Variants in JAKMIP1 observed in about 807,000 individuals in gnomAD.
JAKMIP1 encodes the protein janus kinase and microtubule-interacting protein 1.
A neutral mutation model predicts 113.0 loss-of-function variants in JAKMIP1; 33 were observed. The ratio of observed to expected loss-of-function variants is 0.29; its 90% CI spans 0.22 to 0.39. The LOEUF (loss-of-function observed/expected upper bound fraction) is 0.39. Ranked by LOEUF, JAKMIP1 falls within the 10% of genes least tolerant of loss-of-function variation. The pLI, the probability that JAKMIP1 is intolerant of heterozygous loss-of-function variation, is 1.00. For missense variants in JAKMIP1, 813 were observed against 1,080.5 expected, an observed-to-expected ratio of 0.75 and a Z score of 3.47; for synonymous variants, 480 against 459.9, an observed-to-expected ratio of 1.04 and a Z score of -0.56.
At chr4:6,090,871 GTCAAAACCCC>G (rs1380986364) in intron 3 of JAKMIP1, among the ~76,000 whole-genome samples, 2 of 151,304 alleles carry the variant, frequency 1.3e-5, no homozygotes, top group Non-Finnish European at 2.9e-5. Context: ...CCCTTAGAGT[GTCAAAACCCC>G]ACGTTGACCA....
chr4:6,199,517 G>C lies in JAKMIP1; in HGVS notation c.-148+736C>G, dbSNP rs980497261. ...CCCGGCAAGGTGTCTGGCACCACGAGAGTCAATCCTTGCGCGCCATCTCCG... is the reference window on the plus strand; with the variant it reads ...CCCGGCAAGGTGTCTGGCACCACGACAGTCAATCCTTGCGCGCCATCTCCG... On this transcript the variant is annotated intron_variant, in intron 1 of 20. Coordinates refer to ENST00000409021, the MANE Select transcript of JAKMIP1 (RefSeq NM_001099433.2). This position sits in a 1 kb window ranked among gnomAD's most constrained non-coding sequence, Gnocchi z 5.6. Among the ~76,000 whole-genome samples, 1 of 152,278 alleles carries C rather than the reference G, an allele frequency of 6.6e-6. No individual in the cohort carries two copies. Among genetic ancestry groups the C allele is most frequent in the East Asian group, 1.9e-4 (1 of 5,148 alleles).
Position 6,105,799 on chromosome 4 carries a change from C to T in JAKMIP1, c.298G>A (p.Ala100Thr). The T allele has an allele frequency of 1.2e-6, 2 of 1,608,824 alleles. No homozygotes were observed. Among genetic ancestry groups the T allele is most frequent in the South Asian group, 1.1e-5 (1 of 91,012 alleles). Residue 100 changes from alanine (A) to threonine (T), a missense_variant, in exon 3 of 21, where the codon GCG becomes ACG. Physicochemically the swap from Ala to Thr is moderately conservative, Grantham distance 58. Coordinates refer to ENST00000409021, the MANE Select transcript of JAKMIP1 (RefSeq NM_001099433.2). ...CCCTCCTTGATCTTGGCGGTGCGCG[C>T]CGCCTCCTGCTCGTGCTGCCGGATG... ...GLIRQHEQEA[A>T]RTAKIKEGEL...
At position 6,193,768 on chromosome 4, in the gene JAKMIP1, T is replaced by C. The variant is rs1727536861; in HGVS notation, c.-148+6485A>G. ...GATCATGGGAGGCTGAACTGATGCA[T>C]TAGTGAGCAGGGGAGGAGAGGGTGG... On this transcript the variant is annotated intron_variant, in intron 1 of 20. Coordinates refer to ENST00000409021, the MANE Select transcript of JAKMIP1 (RefSeq NM_001099433.2). This position sits in a 1 kb window ranked among gnomAD's most constrained non-coding sequence, Gnocchi z 6.4. Among the ~76,000 whole-genome samples the C allele has an allele frequency of 6.6e-6, 1 of 152,150 alleles. No homozygotes were observed. Among genetic ancestry groups the C allele is most frequent in the South Asian group, 2.1e-4 (1 of 4,800 alleles).
At position 6,192,778 on chromosome 4, in the gene JAKMIP1, C is replaced by G. The variant is rs1028529644; in HGVS notation, c.-148+7475G>C. Among the ~76,000 whole-genome samples the G allele has an allele frequency of 1.3e-5, 2 of 152,106 alleles. No homozygotes were observed. Among genetic ancestry groups the G allele is most frequent in the Non-Finnish European group, 2.9e-5 (2 of 68,032 alleles). On this transcript the variant is annotated intron_variant, in intron 1 of 20. Transcript: ENST00000409021. This position sits in a 1 kb window ranked among gnomAD's most constrained non-coding sequence, Gnocchi z 5.0. ...AGGGGAAATGAGAATAAAATCATTTCAGATCATGATGATTCTCAAAAGCAA... is the reference window on the plus strand; with the variant it reads ...AGGGGAAATGAGAATAAAATCATTTGAGATCATGATGATTCTCAAAAGCAA...
rs1205826412 is a variant in JAKMIP1, at chr4:6,186,224, C to A, written c.-148+14029G>T. ...GCCAGGGGCAGGTCAGGCGGATGGG[C>A]AGGATGCAGACTGAGGAGGCACAGC... On this transcript the variant is annotated intron_variant, in intron 1 of 20. Transcript: ENST00000409021. The surrounding 1 kb of genome is among the most constrained non-coding windows in gnomAD (Gnocchi z 5.5). Among the ~76,000 whole-genome samples the A allele has an allele frequency of 2.0e-5, 3 of 152,128 alleles. No individual in the cohort carries two copies. The highest frequency in any genetic ancestry group is 7.2e-5 in the African/African-American group (3 of 41,424).
rs1714221553 is a variant in JAKMIP1, at chr4:6,040,893, A to C, written c.2098-177T>G. Among the ~76,000 whole-genome samples the C allele has an allele frequency of 6.6e-6, 1 of 152,072 alleles. No homozygotes were observed. The highest frequency in any genetic ancestry group is 2.4e-5 in the African/African-American group (1 of 41,386). On this transcript the variant is annotated intron_variant, in intron 17 of 20. Transcript: ENST00000409021. The surrounding 1 kb of genome is among the most constrained non-coding windows in gnomAD (Gnocchi z 5.8). ...GAATCACCCAGCAGGAGCCTCACTGACCTGGGGCACCCTTGACAGCCACAC... is the reference window on the plus strand; with the variant it reads ...GAATCACCCAGCAGGAGCCTCACTGCCCTGGGGCACCCTTGACAGCCACAC...
chr4:6,197,470 C>G lies in JAKMIP1; in HGVS notation c.-148+2783G>C, dbSNP rs1398538205. ...CCACACCTCTGATCCCCACACCAACCTAGCCAAAGAGATGCCACTGCCCCC... is the reference window on the plus strand; with the variant it reads ...CCACACCTCTGATCCCCACACCAACGTAGCCAAAGAGATGCCACTGCCCCC... On this transcript the variant is annotated intron_variant, in intron 1 of 20. Coordinates refer to ENST00000409021, the MANE Select transcript of JAKMIP1 (RefSeq NM_001099433.2). The surrounding 1 kb of genome is among the most constrained non-coding windows in gnomAD (Gnocchi z 6.5). 2.6e-5 allele frequency among the ~76,000 whole-genome samples: 4 copies of G among 152,216 alleles called. No individual in the cohort carries two copies. Among genetic ancestry groups the G allele is most frequent in the Non-Finnish European group, 1.5e-5 (1 of 68,036 alleles).
chr4:6,095,417 G>A (rs1296981755), intron 3 of JAKMIP1, among the ~76,000 whole-genome samples: 1 of 152,148 alleles, frequency 6.6e-6, no homozygotes, highest in African/African-American at 2.4e-5. Flanking sequence ...AACAGAGAAG[G>A]AAACAGAAAG....
rs1381055296 is a variant in JAKMIP1, at chr4:6,093,210, T to C, written c.625-7581A>G. ...TCTACCCACAGAAGTGATCACATCC[T>C]CTTCTTTGTTGCTGCCTCTTTGGCT... On this transcript the variant is annotated intron_variant, in intron 3 of 20. Transcript: ENST00000409021. The surrounding 1 kb of genome is among the most constrained non-coding windows in gnomAD (Gnocchi z 4.6). Among the ~76,000 whole-genome samples the C allele has an allele frequency of 6.6e-6, 1 of 152,162 alleles. No homozygotes were observed. Among genetic ancestry groups the C allele is most frequent in the Non-Finnish European group, 1.5e-5 (1 of 68,028 alleles).
intron 3 of JAKMIP1, among the ~76,000 whole-genome samples, chr4:6,095,096 A>G (rs1578214821): frequency 6.9e-6 from 1 of 143,942 alleles, no homozygotes; most frequent in Admixed American, 7.0e-5. Context: ...GGGAGGGAGG[A>G]AGGGGAGAGA....
chr4:6,193,700 G>A lies in JAKMIP1; in HGVS notation c.-148+6553C>T, dbSNP rs895287813. On this transcript the variant is annotated intron_variant, in intron 1 of 20. Transcript: ENST00000409021. This position sits in a 1 kb window ranked among gnomAD's most constrained non-coding sequence, Gnocchi z 6.4. ...TGAGGAGCCGACAACCATTCTGCAG[G>A]TTTCAAGGACAAGTCAAGGCTGGGA... 1.3e-5 allele frequency among the ~76,000 whole-genome samples: 2 copies of A among 152,192 alleles called. No homozygotes were observed. Among genetic ancestry groups the A allele is most frequent in the Non-Finnish European group, 1.5e-5 (1 of 68,040 alleles).
In JAKMIP1 at chr4:6,141,956, C is replaced by T. The variant is rs1261358556; in HGVS notation, c.-147-28959G>A. On this transcript the variant is annotated intron_variant, in intron 1 of 20. Transcript: ENST00000409021. This position sits in a 1 kb window ranked among gnomAD's most constrained non-coding sequence, Gnocchi z 9.4. The stretch of plus-strand genomic sequence containing the variant: ...ACTCCAATAAAGAAACTTGGGAGAA[C>T]ACAGAAAAGGAAAAGGAAGAGAAAA... Among the ~76,000 whole-genome samples the T allele has an allele frequency of 6.6e-6, 1 of 152,124 alleles. No homozygotes were observed. Among genetic ancestry groups the T allele is most frequent in the Non-Finnish European group, 1.5e-5 (1 of 68,010 alleles).
chr4:6,113,006 A>T lies in JAKMIP1; in HGVS notation c.-147-9T>A, dbSNP rs141871168. The T allele has an allele frequency of 2.4e-3, 2,845 of 1,180,026 alleles. 41 individuals are homozygous for T. In the South Asian group the frequency reaches 0.028, roughly 12 times the overall value. 73.1% of individuals were successfully genotyped at this position (1,180,026 alleles called of 1,614,324 possible). ...CACCATCACTTGGGATCCTGAAGGA[A>T]GGAGGGAAACTGAGTTAGCAGAGAC... On this transcript the variant is annotated splice_polypyrimidine_tract_variant and intron_variant, in intron 1 of 20. Transcript: ENST00000409021.
At chr4:6,075,606 A>C (rs1719593590) in intron 8 of JAKMIP1, among the ~76,000 whole-genome samples, 3 of 152,232 alleles carry the variant, frequency 2.0e-5, no homozygotes, top group Admixed American at 2.0e-4. Context: ...TCCTAATGAC[A>C]CGGAACTATC....
chr4:6,191,913 T>TTTTATTTATTTATTTATTTATTTATTTA (rs55740817), intron 1 of JAKMIP1, among the ~76,000 whole-genome samples: 75 of 141,110 alleles, frequency 5.3e-4, no homozygotes, highest in South Asian at 1.2e-3. Flanking sequence ...CAGGAGTGCA[T>TTTTATTTATTTATTTATTTATTTATTTA]TTTATTTATT....
At chr4:6,045,155 A>G (rs886964230) in intron 16 of JAKMIP1, among the ~76,000 whole-genome samples, 1 of 152,268 alleles carries the variant, frequency 6.6e-6, no homozygotes, top group African/African-American at 2.4e-5. Flanking sequence ...ACTATTAGAA[A>G]GTCAGACTAT....
intron 1 of JAKMIP1, among the ~76,000 whole-genome samples, chr4:6,115,015 G>T (rs1441926794): frequency 6.6e-6 from 1 of 152,216 alleles, no homozygotes; most frequent in Non-Finnish European, 1.5e-5. Flanking sequence ...AACAACACAA[G>T]GCTCAGCCAG....
At chr4:6,079,861 C>T (rs1720250173) in intron 7 of JAKMIP1, among the ~76,000 whole-genome samples, 1 of 152,204 alleles carries the variant, frequency 6.6e-6, no homozygotes, top group Non-Finnish European at 1.5e-5. Flanking sequence ...TGCCCAGTCT[C>T]TAAAGGCCAA....
rs1719028439 is a variant in JAKMIP1 at position 6,135,028 on chromosome 4, G to T, written c.-147-22031C>A. On this transcript the variant is annotated intron_variant, in intron 1 of 20. Transcript: ENST00000409021. The surrounding 1 kb of genome is among the most constrained non-coding windows in gnomAD (Gnocchi z 4.9). ...GGCCCTGGACATGTAGAGATGGCAG[G>T]TGTAGGGCTCGTGTATCTCTGGTCT... is the stretch of plus-strand genomic sequence containing the variant. 6.6e-6 allele frequency among the ~76,000 whole-genome samples: 1 copy of T among 152,180 alleles called. No individual in the cohort carries two copies. The highest frequency in any genetic ancestry group is 6.5e-5 in the Admixed American group (1 of 15,284).
Sources: allele counts gnomAD v4.1 joint callset (sites outside exome capture counted in the v4.1 genomes callset), GRCh38; gene constraint gnomAD v4.1.1; non-coding constraint Gnocchi (gnomAD v3.1); transcripts MANE v1.5; gene names NCBI Gene and HGNC (gene_info 2026-07-23, HGNC 2026-07-21).